OR13A1: variants seen among roughly 807,000 people sequenced by gnomAD.
OR13A1 encodes olfactory receptor family 13 subfamily A member 1, also known as olfactory receptor 13A1.
OR13A1 carries 10 observed loss-of-function variants against 7.5 expected under a neutral mutation model. The ratio of observed to expected loss-of-function variants is 1.34; its 90% CI spans 0.83 to 2.27. OR13A1 has a LOEUF of 2.27. Ranked by LOEUF, OR13A1 falls within the 30% of genes most tolerant of loss-of-function variation. OR13A1 has a pLI of 0.00. For synonymous variants in OR13A1, 238 were observed against 177.9 expected, an observed-to-expected ratio of 1.34 and a Z score of -2.69; for missense variants, 509 against 419.1, an observed-to-expected ratio of 1.21 and a Z score of -1.87.
rs183868519 is a variant in OR13A1, at chr10:45,313,053, T to C, written c.-225+2471A>G. Among the ~76,000 whole-genome samples the C allele has an allele frequency of 2.9e-4, 44 of 152,240 alleles. 1 individual carries two copies. Among genetic ancestry groups the C allele is most frequent in the Admixed American group, 2.7e-3 (42 of 15,278 alleles). ...TACATAAATGCACTTTTAATTCTTG[T>C]ATAGAATTTACAAGACAAAAGCTTA... is the stretch of plus-strand genomic sequence containing the variant. On this transcript the variant is annotated intron_variant, in intron 1 of 3. Coordinates refer to ENST00000553795, the MANE Select transcript of OR13A1 (RefSeq NM_001004297.3).
chr10:45,313,568 A>T (rs989035718), intron 1 of OR13A1, among the ~76,000 whole-genome samples: 7 of 152,090 alleles, frequency 4.6e-5, no homozygotes, highest in Non-Finnish European at 1.0e-4. Flanking sequence ...AAATGAAAAA[A>T]AGGAAAAGTA....
At chr10:45,305,702 A>C (rs1487299981) in intron 3 of OR13A1, among the ~76,000 whole-genome samples, 5 of 152,196 alleles carry the variant, frequency 3.3e-5, no homozygotes, top group African/African-American at 1.2e-4. Context: ...TGGCTGATGC[A>C]CCAAGCCATT....
intron 2 of OR13A1, 38 bp downstream of exon 2, chr10:45,307,701 A>C (rs1361445378): frequency 6.6e-6 from 1 of 152,242 alleles, no homozygotes; most frequent in Non-Finnish European, 1.5e-5. Flanking sequence ...GGCAAGTTTA[A>C]ACACATACTG....
chr10:45,305,215 C>G (rs991137601), intron 3 of OR13A1, among the ~76,000 whole-genome samples: 2 of 150,538 alleles, frequency 1.3e-5, no homozygotes, highest in African/African-American at 2.5e-5. Flanking sequence ...GCCTGGGCGA[C>G]AGAGTGAGAC....
intron 1 of OR13A1, among the ~76,000 whole-genome samples, chr10:45,309,950 A>G (rs1838409422): frequency 6.6e-6 from 1 of 152,248 alleles, no homozygotes; most frequent in Admixed American, 6.5e-5. Flanking sequence ...GGGAATAATT[A>G]TACCTACCTT....
chr10:45,307,022 A>G (rs373207341), intron 3 of OR13A1, among the ~76,000 whole-genome samples: 5 of 152,288 alleles, frequency 3.3e-5, no homozygotes, highest in South Asian at 2.1e-4. Context: ...TTCTCCATCA[A>G]TGTCCCAGTG....
rs758690740 is a variant in OR13A1, at chr10:45,303,739, G to A, written c.684C>T (p.Asn228=). ...CATAGGACGCGATGGTCATCAGGAA[G>A]TTCACTATGCCGTAGAAAGCATCCG... ...VLADAFYGIV[N]FLMTIASYGF... is the part of the protein sequence containing the mutation. Residue 228 remains asparagine, a synonymous_variant, in exon 4 of 4, where the codon AAC becomes AAT. Coordinates refer to ENST00000553795, the MANE Select transcript of OR13A1 (RefSeq NM_001004297.3). 2 of 1,614,184 alleles carry A rather than the reference G, an allele frequency of 1.2e-6. No homozygotes were observed. The highest frequency in any genetic ancestry group is 1.1e-5 in the South Asian group (1 of 91,088).
intron 1 of OR13A1, among the ~76,000 whole-genome samples, chr10:45,309,756 G>A (rs1310809815): frequency 6.6e-6 from 1 of 152,262 alleles, no homozygotes; most frequent in South Asian, 2.1e-4. Context: ...AGCAAGCAGA[G>A]AGCTGACTAA....
chr10:45,309,082 G>T (rs1003649574), intron 1 of OR13A1, among the ~76,000 whole-genome samples: 1 of 152,152 alleles, frequency 6.6e-6, no homozygotes, highest in African/African-American at 2.4e-5. Context: ...TAATCCAAAT[G>T]TGTAGAAAAG....
At chr10:45,311,787 T>C (rs1588945616) in intron 1 of OR13A1, among the ~76,000 whole-genome samples, 1 of 152,118 alleles carries the variant, frequency 6.6e-6, no homozygotes, top group East Asian at 1.9e-4. Context: ...GACACGAGTT[T>C]ACCTACATAA....
rs149418153 is a variant in OR13A1 at position 45,303,751 on chromosome 10, G to A, written c.672C>T (p.Tyr224=). The change falls in exon 4 of 4, where the codon TAC becomes TAT. Residue 224 remains tyrosine (Y), a synonymous_variant. Coordinates refer to ENST00000553795, the MANE Select transcript of OR13A1 (RefSeq NM_001004297.3). ...GVMIVLADAF[Y]GIVNFLMTIA... ...TGGTCATCAGGAAGTTCACTATGCC[G>A]TAGAAAGCATCCGCCAGGACAATCA... 323 of 1,614,124 alleles carry A rather than the reference G, an allele frequency of 2.0e-4. No homozygotes were observed. Among genetic ancestry groups the A allele is most frequent in the African/African-American group, 5.6e-4 (42 of 75,064 alleles).
At chr10:45,314,243 A>G (rs909693447) in intron 1 of OR13A1, among the ~76,000 whole-genome samples, 7 of 152,164 alleles carry the variant, frequency 4.6e-5, no homozygotes, top group Non-Finnish European at 7.4e-5. Flanking sequence ...CAAAATGTGT[A>G]AGATGCAGCA....
At chr10:45,312,979 T>C (rs1432649926) in intron 1 of OR13A1, among the ~76,000 whole-genome samples, 4 of 151,992 alleles carry the variant, frequency 2.6e-5, no homozygotes, top group African/African-American at 7.2e-5. Flanking sequence ...AGCTCTCCAG[T>C]AAAGATAAAT....
At position 45,303,447 on chromosome 10, in the gene OR13A1, A is replaced by G. The variant is rs1838247512; in HGVS notation, c.976T>C (p.Phe326Leu). 1 of 1,590,374 alleles carries G rather than the reference A, an allele frequency of 6.3e-7. No individual in the cohort carries two copies. The highest frequency in any genetic ancestry group is 1.8e-5 in the Admixed American group (1 of 56,226). Reference sequence around the variant, plus strand: ...TCAGAAGACACAAGTTAATTTCTGAAGAAAGGGAAAAGCTTCCTGAGGGCT... The same window carrying G: ...TCAGAAGACACAAGTTAATTTCTGAGGAAAGGGAAAAGCTTCCTGAGGGCT... ...KAALRKLFPF[F>L]RN The change falls in exon 4 of 4, where the codon TTC (phenylalanine) becomes CTC (leucine). Residue 326 changes from phenylalanine to leucine, a missense_variant. Phe to Leu is a conservative substitution (Grantham distance 22). Coordinates refer to ENST00000553795, the MANE Select transcript of OR13A1 (RefSeq NM_001004297.3).
intron 1 of OR13A1, among the ~76,000 whole-genome samples, chr10:45,312,487 A>G (rs1838462807): frequency 6.6e-6 from 1 of 151,940 alleles, no homozygotes; most frequent in African/African-American, 2.4e-5. Context: ...AGAATTTTAC[A>G]CTCACTAAAA....
intron 3 of OR13A1, 40 bp from the exon 4 acceptor site, chr10:45,304,474 C>G: frequency 1.3e-6 from 2 of 1,544,170 alleles, no homozygotes; most frequent in Admixed American, 3.7e-5. Flanking sequence ...GAAGGCTGCT[C>G]CCGTGTTTCT....
intron 3 of OR13A1, among the ~76,000 whole-genome samples, chr10:45,304,881 C>A (rs1355591946): frequency 1.3e-5 from 2 of 152,186 alleles, no homozygotes; most frequent in East Asian, 1.9e-4. Context: ...ACAATCTATA[C>A]CCTTAAACGT....
rs1165932803 is a variant in OR13A1 at position 45,302,983 on chromosome 10, C to T, written c.*453G>A. 2 of 157,058 alleles carry T rather than the reference C, an allele frequency of 1.3e-5. No individual in the cohort carries two copies. The highest frequency in any genetic ancestry group is 2.8e-5 in the Non-Finnish European group (2 of 71,636). The allele number at this position is 157,058 out of a possible 1,614,324, so 9.7% of individuals were successfully genotyped here. A position where few individuals can be genotyped will look rare whatever the true frequency, so the allele number is the denominator to read the frequency against. On this transcript the variant is annotated 3_prime_UTR_variant, in exon 4 of 4. Transcript: ENST00000553795. The stretch of plus-strand genomic sequence containing the variant: ...AGGTTTCCTAGAGGCCAGTGGTCAC[C>T]TTAAAACAAAGCTTCAGTCTGACAA...
intron 1 of OR13A1, among the ~76,000 whole-genome samples, chr10:45,311,411 G>C (rs17157697): frequency 6.6e-6 from 1 of 151,938 alleles, no homozygotes; most frequent in East Asian, 1.9e-4. Flanking sequence ...CTCTGTGCTT[G>C]TTCTTGAGAA....
Sources: gnomAD v4.1 joint callset for allele counts (sites outside exome capture counted in the v4.1 genomes callset) on GRCh38, gnomAD v4.1.1 for gene constraint, MANE v1.5 for transcripts, NCBI Gene and HGNC (gene_info 2026-07-23, HGNC 2026-07-21) for gene names.